Variants in PRELID2 observed in about 807,000 individuals in gnomAD.
PRELID2 encodes the protein PRELI domain containing 2.
A neutral mutation model predicts 28.4 loss-of-function variants in PRELID2; 25 were observed. The observed-to-expected ratio is 0.88, with a 90% CI of 0.64 to 1.23. PRELID2 has a LOEUF of 1.23. PRELID2 is among the 50% of genes most tolerant of loss of function. The pLI is 0.00. For synonymous variants in PRELID2, 76 were observed against 71.6 expected, an observed-to-expected ratio of 1.06 and a Z score of -0.31; for missense variants, 201 against 214.4, an observed-to-expected ratio of 0.94 and a Z score of 0.39.
chr5:145,410,208 C>G, the PRELID2 span, among the ~76,000 whole-genome samples: 1 of 152,162 alleles, frequency 6.6e-6, no homozygotes, highest in Non-Finnish European at 1.5e-5. Flanking sequence ...CATAAAAATT[C>G]TAGAAAATAA....
At chr5:145,371,545 T>C in the PRELID2 span, among the ~76,000 whole-genome samples, 1 of 152,130 alleles carries the variant, frequency 6.6e-6, no homozygotes, top group Non-Finnish European at 1.5e-5. Flanking sequence ...ATACCAATGT[T>C]CATCAGGAAT....
At chr5:145,419,226 G>C in the PRELID2 span, among the ~76,000 whole-genome samples, 1 of 147,534 alleles carries the variant, frequency 6.8e-6, no homozygotes, top group African/African-American at 2.5e-5. Flanking sequence ...ATGATTTATA[G>C]TCCTTTGGGT....
the PRELID2 span, among the ~76,000 whole-genome samples, chr5:145,421,063 T>C: frequency 6.6e-6 from 1 of 151,156 alleles, no homozygotes; most frequent in South Asian, 2.1e-4. Flanking sequence ...TGAACCAGCC[T>C]TGCATCCCAG....
chr5:145,674,656 G>A (rs550376564), intron 1 of PRELID2, among the ~76,000 whole-genome samples: 144 of 152,150 alleles, frequency 9.5e-4, no homozygotes, highest in Non-Finnish European at 1.8e-3. Flanking sequence ...TTAAATGTAA[G>A]ACTATGGCCA....
intron 1 of PRELID2, among the ~76,000 whole-genome samples, chr5:145,649,499 T>C (rs1308041415): frequency 2.0e-5 from 3 of 152,196 alleles, no homozygotes; most frequent in Non-Finnish European, 4.4e-5. Flanking sequence ...ATTAAACCCA[T>C]TTTTAATTTA....
the PRELID2 span, among the ~76,000 whole-genome samples, chr5:145,436,583 CA>C: frequency 6.6e-6 from 1 of 152,124 alleles, no homozygotes; most frequent in Non-Finnish European, 1.5e-5. Flanking sequence ...TCTACCTCGC[CA>C]GCATTTGTTT....
the PRELID2 span, among the ~76,000 whole-genome samples, chr5:145,295,791 T>A: frequency 6.6e-6 from 1 of 152,162 alleles, no homozygotes; most frequent in African/African-American, 2.4e-5. Context: ...TATCTACATG[T>A]ATTTATTAAG....
chr5:145,671,318 C>T (rs1754702598), intron 1 of PRELID2, among the ~76,000 whole-genome samples: 1 of 152,062 alleles, frequency 6.6e-6, no homozygotes, highest in South Asian at 2.1e-4. Context: ...GCTCAGAATC[C>T]CAACAAAACT....
chr5:145,318,692 A>T, the PRELID2 span, among the ~76,000 whole-genome samples: 11 of 152,172 alleles, frequency 7.2e-5, no homozygotes. Context: ...CTCCAGCCCC[A>T]TGGTAGTGTC....
the PRELID2 span, among the ~76,000 whole-genome samples, chr5:145,369,759 C>A: frequency 6.6e-6 from 1 of 151,912 alleles, no homozygotes; most frequent in Non-Finnish European, 1.5e-5. Context: ...GTGCTCCTAT[C>A]TCTCCACAGC....
chr5:145,506,639 C>T (rs188119590), intron 1 of PRELID2, among the ~76,000 whole-genome samples: 5 of 152,236 alleles, frequency 3.3e-5, no homozygotes, highest in Admixed American at 6.5e-5. Context: ...TCAATCAAGC[C>T]CAACATTAAT....
intron 1 of PRELID2, among the ~76,000 whole-genome samples, chr5:145,715,795 G>T (rs1337346242): frequency 6.6e-6 from 1 of 152,190 alleles, no homozygotes; most frequent in African/African-American, 2.4e-5. Flanking sequence ...AGGCCCAGTA[G>T]ATAAACTGTT....
chr5:145,741,387 A>T (rs1756732720), intron 1 of PRELID2, among the ~76,000 whole-genome samples: 2 of 107,514 alleles, frequency 1.9e-5, no homozygotes, highest in African/African-American at 8.1e-5. Context: ...TTATTTATAA[A>T]TTATTTATAT....
the PRELID2 span, among the ~76,000 whole-genome samples, chr5:145,355,550 T>C: frequency 2.0e-5 from 3 of 152,144 alleles, no homozygotes; most frequent in East Asian, 1.9e-4. Context: ...CAGTTTACTG[T>C]GTGAAGACAA....
rs190116569 is a variant in PRELID2, at chr5:145,824,130, G to A, written c.76-996C>T. 2.6e-3 allele frequency among the ~76,000 whole-genome samples: 398 copies of A among 152,210 alleles called. 2 individuals carry two copies. Among genetic ancestry groups the A allele is most frequent in the African/African-American group, 8.8e-3 (364 of 41,544 alleles). On this transcript the variant is annotated intron_variant, in intron 1 of 6. Coordinates refer to ENST00000683046, the MANE Select transcript of PRELID2 (RefSeq NM_205846.3). ...TGTGAAAAGAGAGACACTGGGAGCA[G>A]AAGTGACCTCCTAGAAGCCACAGGA...
chr5:145,300,046 G>C, the PRELID2 span, among the ~76,000 whole-genome samples: 1 of 151,434 alleles, frequency 6.6e-6, no homozygotes, highest in Admixed American at 6.6e-5. Flanking sequence ...GTAATATATT[G>C]CAAATATTAT....
the PRELID2 span, among the ~76,000 whole-genome samples, chr5:145,374,109 A>C: frequency 2.0e-5 from 3 of 151,430 alleles, no homozygotes; most frequent in Admixed American, 2.0e-4. Flanking sequence ...GTGTTTTTGC[A>C]AGGGCTGGTA....
chr5:145,586,319 C>G (rs1014812309), intron 1 of PRELID2, among the ~76,000 whole-genome samples: 24 of 151,980 alleles, frequency 1.6e-4, no homozygotes, highest in Non-Finnish European at 3.4e-4. Flanking sequence ...TTCACAATAA[C>G]CTGTCCTTCC....
chr5:145,238,880 T>G, the PRELID2 span, among the ~76,000 whole-genome samples: 1 of 152,252 alleles, frequency 6.6e-6, no homozygotes, highest in South Asian at 2.1e-4. Flanking sequence ...ATCAATTATC[T>G]AAATCATCAC....
Sources: gnomAD v4.1 joint callset for allele counts (sites outside exome capture counted in the v4.1 genomes callset) on GRCh38, gnomAD v4.1.1 for gene constraint, MANE v1.5 for transcripts, NCBI Gene and HGNC (gene_info 2026-07-23, HGNC 2026-07-21) for gene names.